DLGAP1: variants seen among roughly 807,000 people sequenced by gnomAD.
The protein encoded by DLGAP1 is disks large-associated protein 1.
In DLGAP1, 11 loss-of-function variants were observed where a neutral mutation model predicts 90.8. The observed-to-expected ratio is 0.12, with a 90% CI of 0.08 to 0.20. The LOEUF (loss-of-function observed/expected upper bound fraction) is 0.20, where lower values mean the gene tolerates loss of function less well. Ranked by LOEUF, DLGAP1 falls within the 10% of genes least tolerant of loss-of-function variation. The pLI is 1.00. For missense variants in DLGAP1, 1,050 were observed against 1,333.8 expected (o/e 0.79, Z 3.31); for synonymous variants, 558 against 540.7 (o/e 1.03, Z -0.44).
At chr18:3,607,246 T>G (rs770719871) in intron 7 of DLGAP1, 1 of 152,104 alleles carries the variant, frequency 6.6e-6, no homozygotes, top group Non-Finnish European at 1.5e-5. Flanking sequence ...TTACCCAGGC[T>G]CACTGCAACA....
At chr18:3,805,660 T>C (rs1177348564) in intron 5 of DLGAP1, among the ~76,000 whole-genome samples, 3 of 152,222 alleles carry the variant, frequency 2.0e-5, no homozygotes, top group Non-Finnish European at 2.9e-5. Flanking sequence ...AGCTTGAAAA[T>C]ACAGGATCAA....
At chr18:4,179,187 T>G (rs1307143323) in intron 1 of DLGAP1, among the ~76,000 whole-genome samples, 1 of 152,186 alleles carries the variant, frequency 6.6e-6, no homozygotes, top group East Asian at 1.9e-4. Flanking sequence ...TGTACCTCTT[T>G]TTTTTGTAAC....
At chr18:3,523,587 C>T (rs979192117) in intron 10 of DLGAP1, among the ~76,000 whole-genome samples, 2 of 151,880 alleles carry the variant, frequency 1.3e-5, no homozygotes, top group Non-Finnish European at 2.9e-5. Flanking sequence ...GTGGCTCACG[C>T]CTGTAATCCC....
intron 7 of DLGAP1, among the ~76,000 whole-genome samples, chr18:3,726,837 G>C (rs947234438): frequency 3.3e-5 from 5 of 152,174 alleles, no homozygotes; most frequent in African/African-American, 7.2e-5. Flanking sequence ...TTCCCCAAGA[G>C]AGTTGAAGGT....
rs529805818 is a variant in DLGAP1 at position 4,304,713 on chromosome 18, C to T, written c.-267+150293G>A. ...TGGGAGGCTGAGGAGGGTGGATCACCTGAGGTCAGGAGTTCGAGACCAGCC... is the reference window on the plus strand; with the variant it reads ...TGGGAGGCTGAGGAGGGTGGATCACTTGAGGTCAGGAGTTCGAGACCAGCC... On this transcript the variant is annotated intron_variant, in intron 1 of 12. Coordinates refer to ENST00000315677, the MANE Select transcript of DLGAP1 (RefSeq NM_004746.4). Among the ~76,000 whole-genome samples, 13 of 152,230 alleles carry T rather than the reference C, an allele frequency of 8.5e-5. No individual in the cohort carries two copies. In the East Asian group the frequency reaches 1.7e-3, roughly 20 times the overall value.
intron 1 of DLGAP1, among the ~76,000 whole-genome samples, chr18:4,333,590 T>C (rs989834663): frequency 6.6e-6 from 1 of 150,722 alleles, no homozygotes; most frequent in African/African-American, 2.5e-5. Flanking sequence ...CATGCATGTA[T>C]GAAAGGCGCT....
intron 2 of DLGAP1, among the ~76,000 whole-genome samples, chr18:4,126,642 A>T (rs4798176): frequency 0.19 from 29,554 of 151,994 alleles, 3,064 homozygotes; most frequent in Middle Eastern, 0.25. Flanking sequence ...TCTTGGAAGA[A>T]CCCTTTAGAA....
At chr18:3,903,071 G>C (rs1458260443) in intron 3 of DLGAP1, among the ~76,000 whole-genome samples, 1 of 152,114 alleles carries the variant, frequency 6.6e-6, no homozygotes. Context: ...TTAGCGCCCT[G>C]TACTCTCTTT....
intron 1 of DLGAP1, among the ~76,000 whole-genome samples, chr18:4,164,052 G>T (rs993084076): frequency 6.6e-6 from 1 of 152,048 alleles, no homozygotes; most frequent in Non-Finnish European, 1.5e-5. Context: ...AGCACCAGAT[G>T]AATCCAGCAG....
Position 4,170,353 on chromosome 18 carries a change from C to T in DLGAP1, c.-266-19066G>A, listed in dbSNP as rs116239056. The stretch of plus-strand genomic sequence containing the variant: ...TGGTAGGTAAGCTCAAGTGTTAGGT[C>T]GGACATGTTAAGTTTTAAAATGTCT... On this transcript the variant is annotated intron_variant, in intron 1 of 12. Coordinates refer to ENST00000315677, the MANE Select transcript of DLGAP1 (RefSeq NM_004746.4). Among the ~76,000 whole-genome samples, 450 of 151,974 alleles carry T rather than the reference C, an allele frequency of 3.0e-3. 2 individuals carry two copies. The highest frequency in any genetic ancestry group is 9.1e-3 in the African/African-American group (378 of 41,426).
At chr18:3,592,196 T>A (rs2056284590) in intron 7 of DLGAP1, among the ~76,000 whole-genome samples, 1 of 152,188 alleles carries the variant, frequency 6.6e-6, no homozygotes, top group Non-Finnish European at 1.5e-5. Flanking sequence ...CAATGATGAA[T>A]GTTCTGCCAT....
intron 2 of DLGAP1, among the ~76,000 whole-genome samples, chr18:4,094,373 T>C (rs896748901): frequency 6.6e-6 from 1 of 152,154 alleles, no homozygotes; most frequent in African/African-American, 2.4e-5. Flanking sequence ...TACACGGTTA[T>C]GTATAACATT....
chr18:3,510,026 G>T (rs1254075993), intron 10 of DLGAP1, among the ~76,000 whole-genome samples: 1 of 152,098 alleles, frequency 6.6e-6, no homozygotes, highest in African/African-American at 2.4e-5. Flanking sequence ...CAATTTCTTA[G>T]GCCTAAGTTT....
chr18:3,937,136 T>A (rs1599185321), intron 3 of DLGAP1, among the ~76,000 whole-genome samples: 2 of 152,360 alleles, frequency 1.3e-5, no homozygotes, highest in East Asian at 3.9e-4. Context: ...GTACACCTCA[T>A]GACTCGATGT....
intron 5 of DLGAP1, chr18:3,770,206 G>C (rs2064459051): frequency 6.6e-6 from 1 of 152,188 alleles, no homozygotes; most frequent in Non-Finnish European, 1.5e-5. Context: ...TTGGAGACAG[G>C]CACTACTATG....
intron 1 of DLGAP1, among the ~76,000 whole-genome samples, chr18:4,449,378 T>G (rs1218418810): frequency 6.6e-6 from 1 of 152,212 alleles, no homozygotes; most frequent in African/African-American, 2.4e-5. Flanking sequence ...GCCCATCACC[T>G]TATATTCAGG....
intron 10 of DLGAP1, 75 bp from the exon 11 acceptor site, chr18:3,508,736 G>A: frequency 8.1e-7 from 1 of 1,229,816 alleles, no homozygotes; most frequent in Admixed American, 1.9e-5. Flanking sequence ...AAGCAAAGAG[G>A]AAGTTATGCT....
chr18:4,051,036 TC>T (rs1265174862), intron 2 of DLGAP1, among the ~76,000 whole-genome samples: 1 of 152,246 alleles, frequency 6.6e-6, no homozygotes, highest in Non-Finnish European at 1.5e-5. Flanking sequence ...TCTTCCTTTT[TC>T]TTTATATAGC....
At position 3,660,301 on chromosome 18, in the gene DLGAP1, A is replaced by T. The variant is rs560183326; in HGVS notation, c.1591+68834T>A. Reference sequence around the variant, plus strand: ...AGGGACTACAGGTACCTGTCACCACAACTGGCTTTCTTTTATTTTTTAAAA... The same window carrying T: ...AGGGACTACAGGTACCTGTCACCACTACTGGCTTTCTTTTATTTTTTAAAA... On this transcript the variant is annotated intron_variant, in intron 7 of 12. Transcript: ENST00000315677. This position sits in a 1 kb window ranked among gnomAD's most constrained non-coding sequence, Gnocchi z 4.2. Among the ~76,000 whole-genome samples, 2 of 152,278 alleles carry T rather than the reference A, an allele frequency of 1.3e-5. No homozygotes were observed. Among genetic ancestry groups the T allele is most frequent in the South Asian group, 4.1e-4 (2 of 4,824 alleles).
Sources: gnomAD v4.1 joint callset for allele counts (sites outside exome capture counted in the v4.1 genomes callset) on GRCh38, gnomAD v4.1.1 for gene constraint, Gnocchi (gnomAD v3.1) non-coding constraint, MANE v1.5 for transcripts, NCBI Gene and HGNC (gene_info 2026-07-23, HGNC 2026-07-21) for gene names.